The following ANKRD26 variants were observed in gnomAD, a reference collection of about 807,000 sequenced individuals.
ANKRD26 encodes ankyrin repeat domain 26.
In ANKRD26, 141 loss-of-function variants were observed where a neutral mutation model predicts 208.7. The observed-to-expected ratio is 0.68, with a 90% confidence interval of 0.59 to 0.78. ANKRD26 has a LOEUF of 0.78. Among genes scored for constraint, ANKRD26 ranks in the 30% least tolerant of loss-of-function variants. The pLI is 0.00. For missense variants in ANKRD26, 1,889 were observed against 1,938.7 expected, an observed-to-expected ratio of 0.97 and a Z score of 0.48; for synonymous variants, 636 against 660.4, an observed-to-expected ratio of 0.96 and a Z score of 0.57.
At chr10:27,023,541 G>T (rs2053561139) in intron 28 of ANKRD26, among the ~76,000 whole-genome samples, 1 of 151,950 alleles carries the variant, frequency 6.6e-6, no homozygotes, top group South Asian at 2.1e-4. Flanking sequence ...GAGTTAAGGG[G>T]AAAAGGAAAC....
Position 27,028,585 on chromosome 10 carries a change from C to CAAAA in ANKRD26, c.3972+263_3972+266dup, listed in dbSNP as rs11294303. Among the ~76,000 whole-genome samples the CAAAA allele has an allele frequency of 2.6e-4, 20 of 76,040 alleles. 1 individual carries two copies. Among genetic ancestry groups the CAAAA allele is most frequent in the African/African-American group, 8.8e-4 (15 of 17,132 alleles). The allele number at this position is 76,040 out of a possible 152,430, so 49.9% of individuals were successfully genotyped here. On this transcript the variant is annotated intron_variant, in intron 27 of 33. Transcript: ENST00000376087. The stretch of plus-strand genomic sequence containing the variant: ...TGGGCGACAGAGTGAGACTCCATCT[C>CAAAA]AAAAAAAAAAAAAAAAAAAAATTAC...
exon 4 of ANKRD26, among the ~76,000 whole-genome samples, chr10:26,982,771 G>A (rs1356676042): frequency 2.6e-5 from 4 of 152,168 alleles, no homozygotes; most frequent in Admixed American, 1.3e-4. Flanking sequence ...AGACTTCTCA[G>A]TTGCACATTG....
chr10:27,009,329 G>A (rs374978629), intron 32 of ANKRD26, among the ~76,000 whole-genome samples: 1 of 152,320 alleles, frequency 6.6e-6, no homozygotes. Context: ...TTTTGTCCTG[G>A]TTGGTGGGAA....
chr10:27,032,635 C>CAA (rs68062291), intron 25 of ANKRD26, among the ~76,000 whole-genome samples: 3,605 of 135,484 alleles, frequency 0.027, 65 homozygotes, highest in African/African-American at 0.035. Flanking sequence ...GACTCTGTCT[C>CAA]AAAAAAAAAA....
At chr10:27,068,300 C>T (rs1292300539) in intron 9 of ANKRD26, among the ~76,000 whole-genome samples, 5 of 152,200 alleles carry the variant, frequency 3.3e-5, no homozygotes, top group Non-Finnish European at 7.3e-5. Context: ...TCACCTCCTA[C>T]GGCCTTGTGA....
intron 9 of ANKRD26, among the ~76,000 whole-genome samples, chr10:27,076,558 C>A (rs1348967394): frequency 2.0e-5 from 3 of 152,092 alleles, no homozygotes; most frequent in Middle Eastern, 3.4e-3. Flanking sequence ...AGCCACCGTG[C>A]CCAGTAGCTT....
chr10:26,989,088 A>G (rs1242949939), downstream of ANKRD26, among the ~76,000 whole-genome samples: 1 of 152,120 alleles, frequency 6.6e-6, no homozygotes, highest in Non-Finnish European at 1.5e-5. Flanking sequence ...ATATCGGGCA[A>G]GATATTTTTT....
chr10:26,976,668 A>T (rs2052231881), intron 5 of ANKRD26, among the ~76,000 whole-genome samples: 1 of 151,988 alleles, frequency 6.6e-6, no homozygotes, highest in Non-Finnish European at 1.5e-5. Flanking sequence ...GTAGCACTTC[A>T]ATTTTTTTTT....
At chr10:27,030,300 A>C (rs888871692) in intron 25 of ANKRD26, 1 of 861,796 alleles carries the variant, frequency 1.2e-6, no homozygotes, top group East Asian at 1.2e-4. Context: ...ACAGTACTTT[A>C]AACAATTATA....
In ANKRD26 at chr10:27,034,986, T is replaced by C. The variant is rs2053995470; in HGVS notation, c.3464A>G (p.Asn1155Ser). The change falls in exon 24 of 34, where the codon AAC becomes AGC. Residue 1155 changes from asparagine to serine, a missense_variant. This residue lies in a region of ANKRD26 where 613 missense variants were observed against 648.2 expected (regional missense o/e 0.95). Coordinates refer to ENST00000376087, the MANE Select transcript of ANKRD26 (RefSeq NM_014915.3). Reference sequence around the variant, plus strand: ...TGTCTTCTCTTTATTGTCAGCCTTGTTGTGGGCATCATCCAGTTGTTGTCG... The same window carrying C: ...TGTCTTCTCTTTATTGTCAGCCTTGCTGTGGGCATCATCCAGTTGTTGTCG... ...LLRQQLDDAHNKADNKEKTVI... is the reference protein window; with the variant it reads ...LLRQQLDDAHSKADNKEKTVI... The C allele has an allele frequency of 4.3e-6, 7 of 1,614,118 alleles. No homozygotes were observed. The highest frequency in any genetic ancestry group is 5.9e-6 in the Non-Finnish European group (7 of 1,179,966).
At chr10:26,966,906 A>G in the ANKRD26 span, among the ~76,000 whole-genome samples, 1 of 152,190 alleles carries the variant, frequency 6.6e-6, no homozygotes, top group East Asian at 1.9e-4. Flanking sequence ...AAAGATTTTC[A>G]GTGAGTCTCT....
chr10:27,030,563 G>A (rs1317590573), intron 25 of ANKRD26: 20 of 985,278 alleles, frequency 2.0e-5, no homozygotes, highest in Non-Finnish European at 2.4e-5. Context: ...AGCTCTTTGG[G>A]TGGGAAAGCG....
chr10:27,000,345 ATT>A (rs1381252043), downstream of ANKRD26, among the ~76,000 whole-genome samples: 2 of 152,220 alleles, frequency 1.3e-5, no homozygotes, highest in African/African-American at 2.4e-5. Flanking sequence ...ATTGAAAAAT[ATT>A]GTTTCCCCTT....
rs772418059 is a variant in ANKRD26, at chr10:27,093,667, G to T, written c.357+18C>A. The T allele has an allele frequency of 3.7e-6, 6 of 1,608,266 alleles. No homozygotes were observed. The South Asian group carries it at 6.6e-5, about 18-fold the overall frequency. Reference sequence around the variant, plus strand: ...AAGTCAAATCCATCTGATGCTGAAAGAGCTGGCTACTATATACCTTCATCA... The same window carrying T: ...AAGTCAAATCCATCTGATGCTGAAATAGCTGGCTACTATATACCTTCATCA... On this transcript the variant is annotated intron_variant, in intron 2 of 33. Coordinates refer to ENST00000376087, the MANE Select transcript of ANKRD26 (RefSeq NM_014915.3).
chr10:26,966,675 A>G, the ANKRD26 span, among the ~76,000 whole-genome samples: 2 of 152,222 alleles, frequency 1.3e-5, no homozygotes, highest in African/African-American at 4.8e-5. Context: ...TAACTTCAGC[A>G]TACCTTGTTT....
chr10:26,959,600 T>G, the ANKRD26 span, among the ~76,000 whole-genome samples: 5 of 151,964 alleles, frequency 3.3e-5, no homozygotes, highest in African/African-American at 1.2e-4. Context: ...TTAGGAAAGC[T>G]TCCGTTTTAT....
chr10:27,099,562 T>TGG (rs11404415), intron 1 of ANKRD26, among the ~76,000 whole-genome samples: 5,470 of 113,438 alleles, frequency 0.048, 203 homozygotes, highest in African/African-American at 0.076. Context: ...CTATTAGAGT[T>TGG]GGGGGGGGGG....
intron 9 of ANKRD26, among the ~76,000 whole-genome samples, chr10:27,071,703 T>C (rs2055506407): frequency 1.3e-5 from 2 of 152,062 alleles, no homozygotes; most frequent in East Asian, 1.9e-4. Context: ...GGCAGCAGTG[T>C]ACACGATGAA....
chr10:26,985,815 A>AGCCTT (rs2052376721), intron 3 of ANKRD26, among the ~76,000 whole-genome samples: 1 of 152,222 alleles, frequency 6.6e-6, no homozygotes, highest in Non-Finnish European at 1.5e-5. Context: ...TACTTTCAAC[A>AGCCTT]GCCTTGTCTT....
Sources: gnomAD v4.1 joint callset for allele counts (sites outside exome capture counted in the v4.1 genomes callset) on GRCh38, gnomAD v4.1.1 for gene constraint, gnomAD v4.1.1 regional missense constraint, MANE v1.5 for transcripts, NCBI Gene and HGNC (gene_info 2026-07-23, HGNC 2026-07-21) for gene names.